WDPCP: variants seen among roughly 807,000 people sequenced by gnomAD.
The protein encoded by WDPCP is WD repeat containing planar cell polarity effector, also known as WD repeat-containing and planar cell polarity effector protein fritz homolog.
A neutral mutation model predicts 93.1 loss-of-function variants in WDPCP; 71 were observed. The observed-to-expected ratio is 0.76, with a 90% CI of 0.63 to 0.93. The LOEUF (loss-of-function observed/expected upper bound fraction) is 0.93. WDPCP is among the 40% of genes least tolerant of loss of function. The probability of loss-of-function intolerance (pLI) is 0.00; values close to 1 mark genes in which losing one functional copy is unlikely to be tolerated. For missense variants in WDPCP, 844 were observed against 887.4 expected, an observed-to-expected ratio of 0.95 and a Z score of 0.62; for synonymous variants, 315 against 315.0, an observed-to-expected ratio of 1.00 and a Z score of 0.00.
At position 63,210,474 on chromosome 2, in the gene WDPCP, G is replaced by T. The variant is rs529780832; in HGVS notation, c.1916-35642C>A. 4.6e-5 allele frequency among the ~76,000 whole-genome samples: 7 copies of T among 152,180 alleles called. No individual in the cohort carries two copies. The South Asian group carries it at 1.5e-3, about 32-fold the overall frequency. ...TCATTTAAAATAGTTAATGTAGGGG[G>T]AAGTTCCAAGATGGCGGGATAGGAA... On this transcript the variant is annotated intron_variant, in intron 14 of 17. Transcript: ENST00000272321.
intron 6 of WDPCP, among the ~76,000 whole-genome samples, chr2:63,482,682 C>G (rs1399773096): frequency 1.3e-5 from 2 of 151,910 alleles, no homozygotes; most frequent in African/African-American, 4.8e-5. Flanking sequence ...TAGGAGGTCT[C>G]TCAAAGACTT....
intron 9 of WDPCP, among the ~76,000 whole-genome samples, chr2:63,423,537 T>TTTTGGTTAATATATAACCAAAAATA (rs1696029652): frequency 6.6e-6 from 1 of 152,234 alleles, no homozygotes; most frequent in Non-Finnish European, 1.5e-5. Flanking sequence ...GCTTATATAT[T>TTTTGGTTAATATATAACCAAAAATA]TTTGGTTAAT....
chr2:63,439,644 T>C (rs1697368453), intron 7 of WDPCP, 113 bp downstream of exon 7: 1 of 878,858 alleles, frequency 1.1e-6, no homozygotes, highest in East Asian at 2.4e-5. Context: ...TACAAGCAAT[T>C]ACTTGTTGTG....
intron 1 of WDPCP, among the ~76,000 whole-genome samples, chr2:63,535,061 C>G (rs1320395361): frequency 1.3e-5 from 2 of 152,042 alleles, no homozygotes; most frequent in Non-Finnish European, 2.9e-5. Flanking sequence ...TTCCTATACA[C>G]CAATAATAGA....
Position 63,382,079 on chromosome 2 carries a change from C to T in WDPCP, c.1451G>A (p.Gly484Glu), listed in dbSNP as rs750245323. Residue 484 changes from glycine to glutamate, a missense_variant, in exon 11 of 18, where the codon GGA becomes GAA. Physicochemically the swap from Gly to Glu is moderately conservative, Grantham distance 98. Transcript: ENST00000272321. ...GATGATGTCTATCAGGCCCAGCTGTCCTCGAGTGAAGACGCCTATCACAAA... is the reference window on the plus strand; with the variant it reads ...GATGATGTCTATCAGGCCCAGCTGTTCTCGAGTGAAGACGCCTATCACAAA... ...LLFKLGVFTR[G>E]QLGLIDIIFQ... 7.6e-5 allele frequency: 122 copies of T among 1,612,808 alleles called. No individual in the cohort carries two copies. The highest frequency in any genetic ancestry group is 1.0e-4 in the Non-Finnish European group (119 of 1,179,526).
chr2:63,617,472 T>G (rs1340799909), intron 3 of WDPCP, among the ~76,000 whole-genome samples: 1 of 152,140 alleles, frequency 6.6e-6, no homozygotes, highest in African/African-American at 2.4e-5. Context: ...TATGTACACA[T>G]AGGAGTCCCA....
At chr2:63,792,765 T>A (rs1670562895) in intron 2 of WDPCP, among the ~76,000 whole-genome samples, 1 of 152,134 alleles carries the variant, frequency 6.6e-6, no homozygotes, top group Non-Finnish European at 1.5e-5. Context: ...ATGGCCCTTG[T>A]GGCTGGGCAA....
At chr2:63,442,451 T>G (rs1327420627) in intron 6 of WDPCP, 2 of 152,192 alleles carry the variant, frequency 1.3e-5, no homozygotes, top group Non-Finnish European at 2.9e-5. Flanking sequence ...AGATTAGTTA[T>G]CTAACCAATG....
intron 17 of WDPCP, among the ~76,000 whole-genome samples, chr2:63,124,173 T>C (rs1360091004): frequency 1.3e-5 from 2 of 151,800 alleles, no homozygotes; most frequent in East Asian, 1.9e-4. Context: ...CCAAAAGCTA[T>C]GAAATTTTAA....
At chr2:63,672,426 T>C (rs551741117) in intron 2 of WDPCP, among the ~76,000 whole-genome samples, 2 of 152,212 alleles carry the variant, frequency 1.3e-5, no homozygotes, top group East Asian at 1.9e-4. Flanking sequence ...CTTGGGGAAA[T>C]TGTCATAGAA....
chr2:63,601,612 T>A (rs193169394), intron 3 of WDPCP, among the ~76,000 whole-genome samples: 9 of 152,332 alleles, frequency 5.9e-5, no homozygotes, highest in African/African-American at 2.2e-4. Flanking sequence ...AGAAACTATA[T>A]CTGCTGGATG....
At chr2:63,513,315 T>C (rs1702354250) in intron 1 of WDPCP, among the ~76,000 whole-genome samples, 1 of 152,130 alleles carries the variant, frequency 6.6e-6, no homozygotes, top group Non-Finnish European at 1.5e-5. Context: ...CATACAATAT[T>C]GATTAACCAA....
At chr2:63,765,023 T>C (rs904986610) in intron 2 of WDPCP, among the ~76,000 whole-genome samples, 3 of 152,200 alleles carry the variant, frequency 2.0e-5, no homozygotes, top group African/African-American at 7.2e-5. Context: ...GAAAGCACTA[T>C]GTGCTGGGCA....
intron 2 of WDPCP, among the ~76,000 whole-genome samples, chr2:63,811,342 C>T (rs922377836): frequency 3.9e-5 from 6 of 152,208 alleles, no homozygotes; most frequent in African/African-American, 1.4e-4. Context: ...TGCTCACAGA[C>T]TCACTCTAGA....
intron 1 of WDPCP, among the ~76,000 whole-genome samples, chr2:63,536,281 C>T (rs1032784793): frequency 2.6e-5 from 4 of 152,328 alleles, no homozygotes; most frequent in Non-Finnish European, 4.4e-5. Context: ...ACTAGTTCAA[C>T]CACTGTGGAA....
chr2:63,297,584 A>C (rs1684968435), intron 13 of WDPCP, among the ~76,000 whole-genome samples: 3 of 152,172 alleles, frequency 2.0e-5, no homozygotes, highest in South Asian at 4.1e-4. Context: ...AACAAAAAAG[A>C]ATAACAAATA....
intron 9 of WDPCP, among the ~76,000 whole-genome samples, chr2:63,413,338 G>C (rs898551021): frequency 6.6e-6 from 1 of 152,184 alleles, no homozygotes; most frequent in African/African-American, 2.4e-5. Context: ...AATGAAACTG[G>C]ATCCTCATCT....
chr2:63,697,575 G>T (rs4671528), intron 2 of WDPCP, among the ~76,000 whole-genome samples: 88,548 of 152,048 alleles, frequency 0.58, 26,972 homozygotes, highest in African/African-American at 0.73. Context: ...TTACCTCTGA[G>T]AAGTTGCATT....
At chr2:63,384,566 T>G (rs955694459) in intron 10 of WDPCP, among the ~76,000 whole-genome samples, 11 of 151,962 alleles carry the variant, frequency 7.2e-5, no homozygotes, top group African/African-American at 2.2e-4. Context: ...ATGTCTTCAC[T>G]GGTGAATTCT....
Sources: allele counts gnomAD v4.1 joint callset (sites outside exome capture counted in the v4.1 genomes callset), GRCh38; gene constraint gnomAD v4.1.1; transcripts MANE v1.5; gene names NCBI Gene and HGNC (gene_info 2026-07-23, HGNC 2026-07-21).